CCDC171: variants seen among roughly 807,000 people sequenced by gnomAD.
CCDC171 encodes coiled-coil domain containing 171, also known as coiled-coil domain-containing protein 171.
CCDC171 carries 177 observed loss-of-function variants against 168.2 expected under a neutral mutation model. The ratio of observed to expected loss-of-function variants is 1.05; its 90% CI spans 0.93 to 1.19. The LOEUF (loss-of-function observed/expected upper bound fraction) is 1.19, where lower values mean the gene tolerates loss of function less well. CCDC171 is among the 50% of genes most tolerant of loss of function. The pLI is 0.00. For synonymous variants in CCDC171, 687 were observed against 540.8 expected, an observed-to-expected ratio of 1.27 and a Z score of -3.75; for missense variants, 1,991 against 1,539.0, an observed-to-expected ratio of 1.29 and a Z score of -4.91.
intron 7 of CCDC171, among the ~76,000 whole-genome samples, chr9:15,633,345 A>C (rs1225029422): frequency 6.6e-6 from 1 of 152,220 alleles, no homozygotes; most frequent in Non-Finnish European, 1.5e-5. Flanking sequence ...AAACAACCCC[A>C]TCAAAAACGG....
chr9:16,029,787 T>C (rs186699356), intron 6 of CCDC171, among the ~76,000 whole-genome samples: 112 of 152,296 alleles, frequency 7.4e-4, no homozygotes, highest in African/African-American at 2.4e-3. Context: ...ACTCAGATAA[T>C]AGTCTGAGGT....
chr9:15,634,494 A>G (rs918874289), intron 7 of CCDC171, among the ~76,000 whole-genome samples: 6 of 152,026 alleles, frequency 3.9e-5, no homozygotes, highest in Non-Finnish European at 5.9e-5. Flanking sequence ...CTCCATGTGT[A>G]TTTCTGTGTT....
chr9:15,852,755 A>G (rs1055737050), intron 23 of CCDC171, among the ~76,000 whole-genome samples: 2 of 134,432 alleles, frequency 1.5e-5, no homozygotes, highest in Admixed American at 7.9e-5. Context: ...GATTTTATAT[A>G]TTCTATCATG....
intron 25 of CCDC171, among the ~76,000 whole-genome samples, chr9:15,955,239 G>T (rs1448085227): frequency 6.6e-6 from 1 of 152,082 alleles, no homozygotes; most frequent in Admixed American, 6.6e-5. Context: ...ATATGTAGTT[G>T]CTTTTAAATC....
intron 15 of CCDC171, among the ~76,000 whole-genome samples, chr9:15,728,946 A>G (rs2053988656): frequency 6.6e-6 from 1 of 152,164 alleles, no homozygotes; most frequent in Admixed American, 6.6e-5. Context: ...GGTCCTATTG[A>G]CAAACACAAC....
At chr9:15,593,142 A>G (rs1427191957) in intron 5 of CCDC171, among the ~76,000 whole-genome samples, 1 of 152,044 alleles carries the variant, frequency 6.6e-6, no homozygotes, top group African/African-American at 2.4e-5. Flanking sequence ...GGGAAAAAAA[A>G]GCCTCAAGGC....
chr9:15,770,903 C>A (rs1038765710), intron 18 of CCDC171, among the ~76,000 whole-genome samples: 1 of 152,154 alleles, frequency 6.6e-6, no homozygotes, highest in Non-Finnish European at 1.5e-5. Context: ...GTATCCCATA[C>A]ATGTGTACAA....
intron 1 of CCDC171, among the ~76,000 whole-genome samples, chr9:15,557,743 T>C (rs1374870988): frequency 6.6e-6 from 1 of 152,150 alleles, no homozygotes; most frequent in African/African-American, 2.4e-5. Flanking sequence ...TTCTCCTGCC[T>C]GATTGCCCTG....
chr9:15,800,208 G>T (rs2058753118), intron 21 of CCDC171, among the ~76,000 whole-genome samples: 1 of 152,006 alleles, frequency 6.6e-6, no homozygotes, highest in African/African-American at 2.4e-5. Flanking sequence ...CTCCATAGTG[G>T]TTGTACTAAT....
At position 15,972,413 on chromosome 9, in the gene CCDC171, G is replaced by A. The variant is rs1831442340; in HGVS notation, c.*577G>A. 1 of 152,678 alleles carries A rather than the reference G, an allele frequency of 6.5e-6. No homozygotes were observed. Among genetic ancestry groups the A allele is most frequent in the African/African-American group, 2.4e-5 (1 of 41,460 alleles). 9.5% of individuals were successfully genotyped at this position (152,678 alleles called of 1,614,324 possible). A position where few individuals can be genotyped will look rare whatever the true frequency, so the allele number is the denominator to read the frequency against. On this transcript the variant is annotated 3_prime_UTR_variant, in exon 26 of 26. Coordinates refer to ENST00000380701, the MANE Select transcript of CCDC171 (RefSeq NM_173550.4). ...ATGTCACTCCTGGTCAATGTGAGAAGGTCAGGTTGCTCCTTGTAAAGCTAC... is the reference window on the plus strand; with the variant it reads ...ATGTCACTCCTGGTCAATGTGAGAAAGTCAGGTTGCTCCTTGTAAAGCTAC...
At chr9:15,792,767 A>T (rs2135626745) in intron 21 of CCDC171, among the ~76,000 whole-genome samples, 1 of 152,302 alleles carries the variant, frequency 6.6e-6, no homozygotes, top group South Asian at 2.1e-4. Context: ...ATAGACAAGC[A>T]AATGCTGACA....
At chr9:16,088,763 T>G in the CCDC171 span, among the ~76,000 whole-genome samples, 3 of 152,188 alleles carry the variant, frequency 2.0e-5, no homozygotes, top group Non-Finnish European at 2.9e-5. Flanking sequence ...GAAGAATCAA[T>G]ATTGTAAAAA....
chr9:16,058,889 C>A (rs1484582990), intron 1 of CCDC171, among the ~76,000 whole-genome samples: 1 of 152,242 alleles, frequency 6.6e-6, no homozygotes, highest in Admixed American at 6.5e-5. Context: ...TGTTTGAATT[C>A]TTTTTGTTCA....
At chr9:16,008,255 A>T (rs1832763663) in intron 3 of CCDC171, among the ~76,000 whole-genome samples, 1 of 152,058 alleles carries the variant, frequency 6.6e-6, no homozygotes, top group African/African-American at 2.4e-5. Context: ...TTTTTTTAAA[A>T]GATGTGAGGT....
At position 15,973,714 on chromosome 9, in the gene CCDC171, A is replaced by T. The variant is rs10756729; in HGVS notation, c.*1878A>T. 51,579 of 152,114 alleles carry T rather than the reference A, an allele frequency of 0.34. 10,899 individuals are homozygous for T. The highest frequency in any genetic ancestry group is 0.62 in the East Asian group (3,212 of 5,178). The allele number at this position is 152,114 out of a possible 1,614,324, so 9.4% of individuals were successfully genotyped here. On this transcript the variant is annotated 3_prime_UTR_variant, in exon 26 of 26. Coordinates refer to ENST00000380701, the MANE Select transcript of CCDC171 (RefSeq NM_173550.4). ...TTTATACAGATCATATAATTTCTGC[A>T]CATTTCAGAACACCTTTCTCTGCTG...
At chr9:15,922,353 A>G (rs1051759467) in intron 25 of CCDC171, 2 of 182,620 alleles carry the variant, frequency 1.1e-5, no homozygotes, top group African/African-American at 4.6e-5. Flanking sequence ...TGCATTTACT[A>G]ACTTGAACTT....
the CCDC171 span, among the ~76,000 whole-genome samples, chr9:16,072,654 C>T: frequency 1.3e-5 from 2 of 152,130 alleles, no homozygotes; most frequent in Non-Finnish European, 2.9e-5. Context: ...CTCAACTCTT[C>T]TTGGGACGGC....
At chr9:16,076,425 G>T in the CCDC171 span, among the ~76,000 whole-genome samples, 5 of 152,160 alleles carry the variant, frequency 3.3e-5, no homozygotes, top group Admixed American at 6.5e-5. Flanking sequence ...CGTTTTTGCT[G>T]TTCTTCCAGG....
upstream of CCDC171, among the ~76,000 whole-genome samples, chr9:16,042,396 G>A (rs1372793186): frequency 6.6e-6 from 1 of 152,180 alleles, no homozygotes; most frequent in Non-Finnish European, 1.5e-5. Context: ...CTTGAGGCCA[G>A]GTGGCAGGGA....
Sources: gnomAD v4.1 joint callset for allele counts (sites outside exome capture counted in the v4.1 genomes callset) on GRCh38, gnomAD v4.1.1 for gene constraint, MANE v1.5 for transcripts, NCBI Gene and HGNC (gene_info 2026-07-23, HGNC 2026-07-21) for gene names.